C6orf52: variants seen among roughly 807,000 people sequenced by gnomAD.
C6orf52 encodes putative uncharacterized protein C6orf52.
C6orf52 carries 16 observed loss-of-function variants against 16.6 expected under a neutral mutation model. The observed-to-expected ratio is 0.96, with a 90% CI of 0.65 to 1.46. The LOEUF is 1.46. Among genes scored for constraint, C6orf52 ranks in the 40% most tolerant of loss-of-function variants. The pLI is 0.00. For missense variants in C6orf52, 166 were observed against 182.3 expected (o/e 0.91, Z 0.52); for synonymous variants, 53 against 61.4 (o/e 0.86, Z 0.64).
At chr6:10,672,479 G>A in intron 4 of C6orf52, 2 of 648,108 alleles carry the variant, frequency 3.1e-6, no homozygotes, top group Non-Finnish European at 5.5e-6. Context: ...CATAAGAGTT[G>A]GGTGCTGGTC....
At chr6:10,684,392 C>T (rs1768673097) in intron 3 of C6orf52, among the ~76,000 whole-genome samples, 1 of 152,202 alleles carries the variant, frequency 6.6e-6, no homozygotes, top group Admixed American at 6.5e-5. Flanking sequence ...TCCCATAATA[C>T]AAGACTTGAG....
At chr6:10,671,640 C>T in intron 4 of C6orf52, 42 bp from the exon 5 acceptor site, 1 of 1,340,008 alleles carries the variant, frequency 7.5e-7, no homozygotes, top group South Asian at 1.4e-5. Context: ...TAGAGTTTTA[C>T]AGGACACATA....
At chr6:10,675,763 G>T (rs1767819441) in intron 4 of C6orf52, among the ~76,000 whole-genome samples, 1 of 152,148 alleles carries the variant, frequency 6.6e-6, no homozygotes, top group Non-Finnish European at 1.5e-5. Context: ...TTAATTTACA[G>T]TTCTCTGATG....
chr6:10,691,842 T>G (rs550143803), intron 1 of C6orf52, among the ~76,000 whole-genome samples: 2 of 152,310 alleles, frequency 1.3e-5, no homozygotes, highest in African/African-American at 2.4e-5. Flanking sequence ...GGGTTTTTTT[T>G]TCTTTTTAAA....
chr6:10,688,001 A>G (rs1020468349), intron 1 of C6orf52, among the ~76,000 whole-genome samples: 7 of 152,194 alleles, frequency 4.6e-5, no homozygotes, highest in Middle Eastern at 3.2e-3. Flanking sequence ...CCTGCTGAGA[A>G]TAACTATTGG....
chr6:10,694,612 AAGTCGGCCCCACCTCC>A, exon 1 of C6orf52: 5 of 183,288 alleles, frequency 2.7e-5, no homozygotes, highest in South Asian at 9.7e-5. Context: ...AACCGGCCGG[AAGTCGGCCCCACCTCC>A]TCCTGATGTC....
rs745323628 is a variant in C6orf52, at chr6:10,671,596, G to A, written c.319C>T (p.Pro107Ser). The change falls in exon 5 of 5, where the codon CCA becomes TCA. Residue 107 changes from proline (P) to serine (S), a missense_variant and splice_region_variant. Transcript: ENST00000259983. ...TCCTCAATATTCAAATGAAGATGTG[G>A]ATCTGCAGAAGCCAATAATGGATAT... ...ENQDEDPLED[P>S]HLHLNIEESN... 3.3e-6 allele frequency: 5 copies of A among 1,536,876 alleles called. No homozygotes were observed. In the African/African-American group the frequency reaches 6.9e-5, roughly 21 times the overall value.
intron 4 of C6orf52, among the ~76,000 whole-genome samples, chr6:10,682,756 T>C (rs910670568): frequency 6.6e-6 from 1 of 152,140 alleles, no homozygotes; most frequent in Non-Finnish European, 1.5e-5. Flanking sequence ...CAAAACAAAT[T>C]GAGAAGTACA....
At chr6:10,691,078 T>G (rs1769252246) in intron 1 of C6orf52, among the ~76,000 whole-genome samples, 1 of 152,234 alleles carries the variant, frequency 6.6e-6, no homozygotes, top group African/African-American at 2.4e-5. Context: ...CTCTGTTATT[T>G]AGCTGTGTGT....
At chr6:10,687,310 T>C in intron 2 of C6orf52, 146 bp from the exon 3 acceptor site, 1 of 780,404 alleles carries the variant, frequency 1.3e-6, no homozygotes, top group Non-Finnish European at 2.1e-6. Flanking sequence ...GGTTGATGGG[T>C]GCAGCAAACC....
At chr6:10,681,655 A>G (rs891303869) in intron 4 of C6orf52, among the ~76,000 whole-genome samples, 5 of 152,218 alleles carry the variant, frequency 3.3e-5, no homozygotes, top group Non-Finnish European at 5.9e-5. Context: ...GAAAGGTATC[A>G]ATGTCCCCAC....
intron 4 of C6orf52, among the ~76,000 whole-genome samples, chr6:10,676,214 T>C (rs994464677): frequency 6.6e-6 from 1 of 152,190 alleles, no homozygotes; most frequent in Non-Finnish European, 1.5e-5. Context: ...AAATAAAAAT[T>C]TTTTTAAATG....
At chr6:10,672,474 G>C (rs778008942) in intron 4 of C6orf52, 21 of 643,468 alleles carry the variant, frequency 3.3e-5, no homozygotes, top group Non-Finnish European at 5.6e-5. Context: ...GAGGTCATAA[G>C]AGTTGGGTGC....
At chr6:10,678,526 T>G (rs1029961313) in intron 4 of C6orf52, among the ~76,000 whole-genome samples, 2 of 152,238 alleles carry the variant, frequency 1.3e-5, no homozygotes, top group African/African-American at 4.8e-5. Flanking sequence ...TGGCAGAGTC[T>G]GTAGGGTTTT....
At chr6:10,692,234 A>C (rs1263344932) in intron 1 of C6orf52, among the ~76,000 whole-genome samples, 1 of 152,182 alleles carries the variant, frequency 6.6e-6, no homozygotes, top group Non-Finnish European at 1.5e-5. Context: ...AAAATGCATA[A>C]AGGCACATTT....
intron 4 of C6orf52, among the ~76,000 whole-genome samples, chr6:10,679,574 AAAAAAAC>A (rs1768189885): frequency 2.2e-5 from 3 of 139,450 alleles, no homozygotes; most frequent in South Asian, 4.2e-4. Context: ...TTGTTAAAAA[AAAAAAAC>A]AAAAAACAAA....
rs548389205 is a variant in C6orf52 at position 10,690,302 on chromosome 6, T to C, written c.-11-2741A>G. On this transcript the variant is annotated intron_variant, in intron 1 of 4. Transcript: ENST00000259983. ...AAACCTTCTGTTTCAACTAGATTACTCCCATGAATCAGGTGAAGCAAATTT... is the reference window on the plus strand; with the variant it reads ...AAACCTTCTGTTTCAACTAGATTACCCCCATGAATCAGGTGAAGCAAATTT... 2.0e-4 allele frequency among the ~76,000 whole-genome samples: 31 copies of C among 152,266 alleles called. No homozygotes were observed. The South Asian group carries it at 6.4e-3, about 32-fold the overall frequency.
In C6orf52 at chr6:10,679,568, T is replaced by TA. The variant is rs1005395904; in HGVS notation, c.316+3618dup. Reference sequence around the variant, plus strand: ...GGGCTGCCATAAACTTCTAACTTGTTAAAAAAAAAAAACAAAAAACAAAAA... The same window carrying TA: ...GGGCTGCCATAAACTTCTAACTTGTTAAAAAAAAAAAAACAAAAAACAAAAA... On this transcript the variant is annotated intron_variant, in intron 4 of 4. Coordinates refer to ENST00000259983, the MANE Select transcript of C6orf52 (RefSeq NM_001145020.3). Among the ~76,000 whole-genome samples, 779 of 120,172 alleles carry TA rather than the reference T, an allele frequency of 6.5e-3. 4 individuals are homozygous for TA. The highest frequency in any genetic ancestry group is 7.3e-3 in the Non-Finnish European group (464 of 63,458). The allele number at this position is 120,172 out of a possible 152,430, so 78.8% of individuals were successfully genotyped here. A position where few individuals can be genotyped will look rare whatever the true frequency, so the allele number is the denominator to read the frequency against.
chr6:10,694,181 A>G (rs1769625461), intron 1 of C6orf52, among the ~76,000 whole-genome samples: 1 of 147,334 alleles, frequency 6.8e-6, no homozygotes, highest in African/African-American at 2.6e-5. Context: ...AATTGCTTGA[A>G]CCCGGGAGGC....
Sources: allele counts gnomAD v4.1 joint callset (sites outside exome capture counted in the v4.1 genomes callset), GRCh38; gene constraint gnomAD v4.1.1; transcripts MANE v1.5; gene names NCBI Gene and HGNC (gene_info 2026-07-23, HGNC 2026-07-21).